Variants in MAG observed in about 807,000 individuals in gnomAD.
The protein encoded by MAG is myelin associated glycoprotein.
Under a neutral mutation model 60.7 loss-of-function variants are expected in MAG, and 30 were observed. That is an observed-to-expected ratio of 0.49 (90% CI 0.37 to 0.67). The LOEUF is 0.67. MAG is among the 30% of genes least tolerant of loss of function. The probability of loss-of-function intolerance (pLI) is 0.00; values close to 1 mark genes in which losing one functional copy is unlikely to be tolerated. For synonymous variants in MAG, 384 were observed against 376.8 expected (o/e 1.02, Z -0.22); for missense variants, 795 against 851.7 (o/e 0.93, Z 0.83).
At position 35,295,474 on chromosome 19, in the gene MAG, G is replaced by A. The variant is rs201229252; in HGVS notation, c.46+20G>A. On this transcript the variant is annotated intron_variant, in intron 3 of 10. Coordinates refer to ENST00000392213, the MANE Select transcript of MAG (RefSeq NM_002361.4). This position sits in a 1 kb window ranked among gnomAD's most constrained non-coding sequence, Gnocchi z 5.8. ...TTTCAGGTAACGGCTGACAGGTGCT[G>A]GGGACCTAAAGGCTTTGGCCCCTGA... The A allele has an allele frequency of 9.3e-6, 15 of 1,613,864 alleles. No homozygotes were observed. The African/African-American group carries it at 1.7e-4, about 19-fold the overall frequency.
intron 6 of MAG, among the ~76,000 whole-genome samples, chr19:35,301,289 TG>T (rs2066446501): frequency 1.3e-5 from 2 of 152,236 alleles, no homozygotes; most frequent in Non-Finnish European, 2.9e-5. Flanking sequence ...AGAAGGGAGC[TG>T]GTCAGAAGAG....
In MAG at chr19:35,295,707, G is replaced by C; in HGVS notation, c.141G>C (p.Pro47=). 6.2e-7 allele frequency: 1 copy of C among 1,613,600 alleles called. No individual in the cohort carries two copies. The highest frequency in any genetic ancestry group is 8.5e-7 in the Non-Finnish European group (1 of 1,180,010). ...CCATCCCCTGCCGCTTTGACTTCCC[G>C]GATGAGCTGCGGCCCGCTGTGGTGC... is the stretch of plus-strand genomic sequence containing the variant. ...CVSIPCRFDF[P]DELRPAVVHG... is the part of the protein sequence containing the mutation. The change falls in exon 4 of 11, where the codon CCG becomes CCC. Residue 47 remains proline, a synonymous_variant. Transcript: ENST00000392213. The surrounding 1 kb of genome is among the most constrained non-coding windows in gnomAD (Gnocchi z 5.8).
rs2066543358 is a variant in MAG at position 35,313,383 on chromosome 19, A to T, written c.1810A>T (p.Lys604Ter). The stretch of plus-strand genomic sequence containing the variant: ...GAGCTATTCTCACTCGGACCTGGGG[A>T]AACGGCCCACCAAGGACAGCTACAC... ...DLSYSHSDLG[K>*]RPTKDSYTLT... The change falls in exon 11 of 11, where the codon AAA (lysine) becomes TAA (stop). Residue 604 changes from lysine (K) to a stop codon, truncating the protein, a stop_gained. Coordinates refer to ENST00000392213, the MANE Select transcript of MAG (RefSeq NM_002361.4). LOFTEE classifies it high-confidence loss of function. 1 of 1,613,966 alleles carries T rather than the reference A, an allele frequency of 6.2e-7. No individual in the cohort carries two copies. The highest frequency in any genetic ancestry group is 1.3e-5 in the African/African-American group (1 of 74,920).
At chr19:35,312,264 A>C (rs2066533772) in intron 10 of MAG, 1 of 1,613,008 alleles carries the variant, frequency 6.2e-7, no homozygotes, top group African/African-American at 1.3e-5. Context: ...CTGTGACTGC[A>C]TTTCCTTCTC....
intron 1 of MAG, among the ~76,000 whole-genome samples, chr19:35,292,664 T>C (rs1057485177): frequency 1.6e-4 from 24 of 150,706 alleles, no homozygotes; most frequent in African/African-American, 3.9e-4. Context: ...TGTGTGTGTG[T>C]GCGTGTGCGT....
chr19:35,300,401 A>C lies in MAG; in HGVS notation c.967A>C (p.Met323Leu), dbSNP rs1469036093. The stretch of plus-strand genomic sequence containing the variant: ...CAACCGCACCGTGGGGCTCAGTGTC[A>C]TGTGTGAGTGGCCCACTCTGTGCGT... ...QDNRTVGLSV[M>L]YAPWKPTVNG... Residue 323 changes from methionine to leucine, a missense_variant, in exon 6 of 11, where the codon ATG becomes CTG. Coordinates refer to ENST00000392213, the MANE Select transcript of MAG (RefSeq NM_002361.4). 7 of 1,566,138 alleles carry C rather than the reference A, an allele frequency of 4.5e-6. No individual in the cohort carries two copies. The highest frequency in any genetic ancestry group is 5.2e-6 in the Non-Finnish European group (6 of 1,156,482).
intron 7 of MAG, among the ~76,000 whole-genome samples, chr19:35,307,799 A>G (rs546404638): frequency 6.6e-6 from 1 of 152,328 alleles, no homozygotes; most frequent in East Asian, 1.9e-4. Flanking sequence ...AAGCTCAACC[A>G]AGTGACTTTG....
Position 35,302,603 on chromosome 19 carries a change from C to T in MAG, c.1126C>T (p.Gln376Ter), listed in dbSNP as rs2066456693. Reference protein sequence around the residue: ...LSTVIYESELQLELPAVSPED... With the variant: ...LSTVIYESEL ...CACGGTCATCTACGAGAGCGAGCTG[C>T]AGCTGGAGCTGCCGGCCGTGTCACC... Residue 376 changes from glutamine (Q) to a stop codon, truncating the protein, a stop_gained, in exon 7 of 11, where the codon CAG becomes TAG. Transcript: ENST00000392213. LOFTEE classifies it high-confidence loss of function. 2 of 1,614,236 alleles carry T rather than the reference C, an allele frequency of 1.2e-6. No individual in the cohort carries two copies. The highest frequency in any genetic ancestry group is 1.7e-6 in the Non-Finnish European group (2 of 1,180,054).
chr19:35,304,212 C>A (rs957392604), intron 7 of MAG, among the ~76,000 whole-genome samples: 3 of 152,146 alleles, frequency 2.0e-5, no homozygotes, highest in Non-Finnish European at 2.9e-5. Context: ...TGTTCCCTAG[C>A]GGGGCTGATG....
In MAG at chr19:35,302,554, C is replaced by A; in HGVS notation, c.1077C>A (p.Ile359=). 6.2e-7 allele frequency: 1 copy of A among 1,614,256 alleles called. No individual in the cohort carries two copies. Among genetic ancestry groups the A allele is most frequent in the Non-Finnish European group, 8.5e-7 (1 of 1,180,052 alleles). ...GCAACCCGGACCCTATTCTCACCATCTTCAAGGAGAAGCAGATCCTGTCCA... is the reference window on the plus strand; with the variant it reads ...GCAACCCGGACCCTATTCTCACCATATTCAAGGAGAAGCAGATCCTGTCCA... ...TQSNPDPILT[I]FKEKQILSTV... is the part of the protein sequence containing the mutation. The change falls in exon 7 of 11, where the codon ATC becomes ATA. Residue 359 remains isoleucine, a synonymous_variant. Transcript: ENST00000392213.
intron 9 of MAG, among the ~76,000 whole-genome samples, chr19:35,311,174 AT>A (rs1186731114): frequency 3.3e-5 from 5 of 151,674 alleles, no homozygotes; most frequent in Admixed American, 6.6e-5. Context: ...TCTAAAAAAA[AT>A]TTTTTTTTAA....
At chr19:35,296,991 C>T (rs1031277901) in intron 4 of MAG, among the ~76,000 whole-genome samples, 5 of 147,364 alleles carry the variant, frequency 3.4e-5, no homozygotes, top group African/African-American at 1.0e-4. Context: ...CACTGCTTGG[C>T]GCTGAGGACT....
At chr19:35,305,075 C>T (rs527834019) in intron 7 of MAG, among the ~76,000 whole-genome samples, 24 of 152,288 alleles carry the variant, frequency 1.6e-4, no homozygotes, top group African/African-American at 4.1e-4. Context: ...CTCTTGAAAA[C>T]GAACACGCAG....
chr19:35,310,225 C>T, intron 8 of MAG, 64 bp downstream of exon 8: 1 of 1,534,918 alleles, frequency 6.5e-7, no homozygotes, highest in Non-Finnish European at 8.8e-7. Flanking sequence ...GATCCAAGCT[C>T]CCAAGGCTGA....
intron 10 of MAG, chr19:35,312,505 C>T (rs1020324548): frequency 6.3e-5 from 23 of 365,254 alleles, no homozygotes; most frequent in South Asian, 4.3e-4. Context: ...CTGTGGCCAC[C>T]GTCCTGTGTG....
In MAG at chr19:35,300,506, C is replaced by G. The variant is rs1195225032; in HGVS notation, c.970+102C>G. The G allele has an allele frequency of 3.6e-6, 5 of 1,408,172 alleles. No homozygotes were observed. The East Asian group carries it at 1.2e-4, about 35-fold the overall frequency. The allele number at this position is 1,408,172 out of a possible 1,614,324, so 87.2% of individuals were successfully genotyped here. On this transcript the variant is annotated intron_variant, in intron 6 of 10. Coordinates refer to ENST00000392213, the MANE Select transcript of MAG (RefSeq NM_002361.4). The stretch of plus-strand genomic sequence containing the variant: ...AGCATGGGCTGGGTCCCGAGGGGAC[C>G]GGCCATAAACAGTCGAGGCCAAGGT...
intron 7 of MAG, among the ~76,000 whole-genome samples, chr19:35,304,643 C>T (rs539411679): frequency 6.6e-5 from 10 of 152,114 alleles, no homozygotes; most frequent in East Asian, 1.9e-4. Flanking sequence ...CAGATTCAAG[C>T]GATTCTCCTG....
Position 35,295,475 on chromosome 19 carries a change from G to C in MAG, c.46+21G>C. The C allele has an allele frequency of 6.2e-7, 1 of 1,613,936 alleles. No homozygotes were observed. Among genetic ancestry groups the C allele is most frequent in the South Asian group, 1.1e-5 (1 of 91,058 alleles). ...TTCAGGTAACGGCTGACAGGTGCTG[G>C]GGACCTAAAGGCTTTGGCCCCTGAG... is the stretch of plus-strand genomic sequence containing the variant. On this transcript the variant is annotated intron_variant, in intron 3 of 10. Transcript: ENST00000392213. The surrounding 1 kb of genome is among the most constrained non-coding windows in gnomAD (Gnocchi z 5.8).
At chr19:35,294,084 G>C (rs143203244) in intron 1 of MAG, 151 bp from the exon 2 acceptor site, 2 of 268,138 alleles carry the variant, frequency 7.5e-6, no homozygotes, top group Non-Finnish European at 7.1e-6. Context: ...GAGTGGCTTC[G>C]AGGCTGTGTG....
Sources: gnomAD v4.1 joint callset for allele counts (sites outside exome capture counted in the v4.1 genomes callset) on GRCh38, gnomAD v4.1.1 for gene constraint, Gnocchi (gnomAD v3.1) non-coding constraint, MANE v1.5 for transcripts, NCBI Gene and HGNC (gene_info 2026-07-23, HGNC 2026-07-21) for gene names.